The following DPP10 variants were observed in gnomAD, a reference collection of about 807,000 sequenced individuals.
DPP10 encodes the protein dipeptidyl peptidase like 10.
DPP10 carries 33 observed loss-of-function variants against 120.9 expected under a neutral mutation model. The observed-to-expected ratio is 0.27, with a 90% CI of 0.21 to 0.37. The LOEUF (loss-of-function observed/expected upper bound fraction) is 0.37, where lower values mean the gene tolerates loss of function less well. Ranked by LOEUF, DPP10 falls within the 10% of genes least tolerant of loss-of-function variation. The pLI, the probability that DPP10 is intolerant of heterozygous loss-of-function variation, is 1.00. For synonymous variants in DPP10, 337 were observed against 326.1 expected (o/e 1.03, Z -0.36); for missense variants, 816 against 942.8 (o/e 0.87, Z 1.76).
intron 12 of DPP10, among the ~76,000 whole-genome samples, chr2:115,766,026 T>G (rs896750973): frequency 2.0e-5 from 3 of 151,964 alleles, no homozygotes; most frequent in Non-Finnish European, 4.4e-5. Context: ...ACTGATTCAT[T>G]CAGTAAATAA....
intron 19 of DPP10, among the ~76,000 whole-genome samples, chr2:115,808,660 C>A (rs2150010984): frequency 6.6e-6 from 1 of 152,270 alleles, no homozygotes; most frequent in East Asian, 1.9e-4. Context: ...GATTTGATCC[C>A]CATATCACCT....
At chr2:115,645,142 A>G (rs2087128502) in intron 5 of DPP10, among the ~76,000 whole-genome samples, 1 of 152,058 alleles carries the variant, frequency 6.6e-6, no homozygotes. Flanking sequence ...CAAGACACAG[A>G]CTGTTTTAGC....
intron 1 of DPP10, among the ~76,000 whole-genome samples, chr2:114,496,710 A>T (rs1682548151): frequency 6.6e-6 from 1 of 152,066 alleles, no homozygotes; most frequent in South Asian, 2.1e-4. Flanking sequence ...TTTAGACCAT[A>T]GCAGGGTACT....
intron 1 of DPP10, among the ~76,000 whole-genome samples, chr2:114,939,161 A>C (rs931498956): frequency 6.6e-6 from 1 of 152,136 alleles, no homozygotes; most frequent in Non-Finnish European, 1.5e-5. Context: ...TATAAGAAGA[A>C]GAAAATATTC....
intron 1 of DPP10, among the ~76,000 whole-genome samples, chr2:114,485,223 T>C (rs1681402451): frequency 6.6e-6 from 1 of 152,168 alleles, no homozygotes; most frequent in African/African-American, 2.4e-5. Context: ...TTAGTTATAG[T>C]TCTTTCTTAC....
At chr2:114,657,106 T>A (rs1697019950) in intron 1 of DPP10, among the ~76,000 whole-genome samples, 1 of 152,094 alleles carries the variant, frequency 6.6e-6, no homozygotes. Context: ...TCTGGAAGAT[T>A]AATGGGTAAT....
At chr2:115,683,320 G>A (rs1476266571) in intron 5 of DPP10, among the ~76,000 whole-genome samples, 1 of 151,886 alleles carries the variant, frequency 6.6e-6, no homozygotes, top group Non-Finnish European at 1.5e-5. Flanking sequence ...AAAAAATTTA[G>A]CATTTGCTCG....
intron 5 of DPP10, among the ~76,000 whole-genome samples, chr2:115,665,030 A>T (rs2149422415): frequency 6.6e-6 from 1 of 152,318 alleles, no homozygotes; most frequent in East Asian, 1.9e-4. Flanking sequence ...AAGTTCTATT[A>T]AGAGTCCTGA....
intron 1 of DPP10, among the ~76,000 whole-genome samples, chr2:115,024,303 T>C (rs1361941848): frequency 6.6e-6 from 1 of 152,088 alleles, no homozygotes; most frequent in East Asian, 1.9e-4. Flanking sequence ...AGGCCATTTC[T>C]ATGTAATGTG....
intron 1 of DPP10, among the ~76,000 whole-genome samples, chr2:115,150,182 A>T (rs981773954): frequency 3.3e-5 from 5 of 152,190 alleles, no homozygotes; most frequent in Non-Finnish European, 7.3e-5. Flanking sequence ...CACAAGCCCT[A>T]TGAAGGGGAC....
intron 1 of DPP10, among the ~76,000 whole-genome samples, chr2:115,245,033 T>C (rs2058471284): frequency 6.6e-6 from 1 of 152,008 alleles, no homozygotes. Context: ...GTCCATCGTA[T>C]CATTCTTATA....
intron 3 of DPP10, among the ~76,000 whole-genome samples, chr2:115,362,971 G>T (rs191842344): frequency 1.3e-5 from 2 of 152,156 alleles, no homozygotes; most frequent in African/African-American, 4.8e-5. Context: ...CCTCTTTTGT[G>T]CAGTCATAAC....
At chr2:115,290,147 C>T (rs1230732145) in intron 1 of DPP10, among the ~76,000 whole-genome samples, 1 of 151,896 alleles carries the variant, frequency 6.6e-6, no homozygotes, top group Non-Finnish European at 1.5e-5. Flanking sequence ...AACAAATAAA[C>T]AAGGAAAAGA....
At chr2:115,616,441 T>C (rs930244141) in intron 5 of DPP10, among the ~76,000 whole-genome samples, 1 of 151,578 alleles carries the variant, frequency 6.6e-6, no homozygotes, top group Non-Finnish European at 1.5e-5. Context: ...CCTACTCTAA[T>C]CTAAGTCAGA....
chr2:115,256,401 C>G (rs1036420119), intron 1 of DPP10, among the ~76,000 whole-genome samples: 1 of 152,032 alleles, frequency 6.6e-6, no homozygotes, highest in South Asian at 2.1e-4. Flanking sequence ...GGAGAGAGCC[C>G]CAAACCTTGT....
At chr2:114,956,767 T>C (rs1048724445) in intron 1 of DPP10, among the ~76,000 whole-genome samples, 22 of 151,882 alleles carry the variant, frequency 1.4e-4, no homozygotes, top group Non-Finnish European at 3.1e-4. Flanking sequence ...AATGGAACAG[T>C]ATGGAGAGCC....
At chr2:115,501,599 C>A (rs908084915) in intron 4 of DPP10, among the ~76,000 whole-genome samples, 2 of 151,992 alleles carry the variant, frequency 1.3e-5, no homozygotes, top group Non-Finnish European at 2.9e-5. Flanking sequence ...ACATTTATGT[C>A]ACAACACAGA....
chr2:115,507,284 T>G (rs1458556331), intron 4 of DPP10, among the ~76,000 whole-genome samples: 1 of 152,198 alleles, frequency 6.6e-6, no homozygotes. Flanking sequence ...ATTTGCCAAG[T>G]GTTGTTTGGA....
At chr2:114,759,119 T>C (rs1680053580) in intron 1 of DPP10, among the ~76,000 whole-genome samples, 1 of 152,210 alleles carries the variant, frequency 6.6e-6, no homozygotes, top group Admixed American at 6.5e-5. Context: ...TTCCAGTCAA[T>C]CAAACTTTAA....
Sources: gnomAD v4.1 joint callset for allele counts (sites outside exome capture counted in the v4.1 genomes callset) on GRCh38, gnomAD v4.1.1 for gene constraint, MANE v1.5 for transcripts, NCBI Gene and HGNC (gene_info 2026-07-23, HGNC 2026-07-21) for gene names.